Variants in ZZEF1 observed in about 807,000 individuals in gnomAD.
The protein encoded by ZZEF1 is zinc finger ZZ-type and EF-hand domain-containing protein 1.
ZZEF1 carries 157 observed loss-of-function variants against 342.8 expected under a neutral mutation model. That is an observed-to-expected ratio of 0.46 (90% CI 0.40 to 0.52). ZZEF1 has a LOEUF of 0.52. Among genes scored for constraint, ZZEF1 ranks in the 20% least tolerant of loss-of-function variants. The pLI, the probability that ZZEF1 is intolerant of heterozygous loss-of-function variation, is 0.00. For missense variants in ZZEF1, 3,480 were observed against 3,725.6 expected (o/e 0.93, Z 1.72); for synonymous variants, 1,505 against 1,429.1 (o/e 1.05, Z -1.20).
rs1434061770 is a variant in ZZEF1 at position 4,076,667 on chromosome 17, G to A, written c.3204C>T (p.Leu1068=). The change falls in exon 21 of 55, where the codon CTC becomes CTT. Residue 1068 remains leucine (L), a synonymous_variant. Coordinates refer to ENST00000381638, the MANE Select transcript of ZZEF1 (RefSeq NM_015113.4). ...TCAGTCCTCCTTCGGGGCCACTACA[G>A]AGCTTCTTCAGGAGTTCTGTGAGGA... is the stretch of plus-strand genomic sequence containing the variant. ...FSVLTELLKK[L]CSGPEGGLRK... 3 of 1,612,862 alleles carry A rather than the reference G, an allele frequency of 1.9e-6. No homozygotes were observed. The highest frequency in any genetic ancestry group is 2.7e-5 in the African/African-American group (2 of 74,904).
chr17:4,049,910 C>A, intron 36 of ZZEF1, 51 bp from the exon 37 acceptor site: 1 of 1,590,722 alleles, frequency 6.3e-7, no homozygotes, highest in East Asian at 2.2e-5. Context: ...AATGAGAGTT[C>A]TTTTCAGCAA....
chr17:4,018,050 T>C lies in ZZEF1; in HGVS notation c.7506-79A>G, dbSNP rs936490884. The C allele has an allele frequency of 3.2e-5, 50 of 1,565,918 alleles. No homozygotes were observed. In the East Asian group the frequency reaches 4.5e-4, roughly 14 times the overall value. ...AACCTGCACTTAAACTTGTTGGCAATGTTCTTCAGAGTTGTTCTTCTGTTA... is the reference window on the plus strand; with the variant it reads ...AACCTGCACTTAAACTTGTTGGCAACGTTCTTCAGAGTTGTTCTTCTGTTA... On this transcript the variant is annotated intron_variant, in intron 46 of 54. Transcript: ENST00000381638.
chr17:4,022,900 T>A, intron 43 of ZZEF1, 72 bp from the exon 44 acceptor site: 1 of 1,563,556 alleles, frequency 6.4e-7, no homozygotes, highest in Non-Finnish European at 8.7e-7. Flanking sequence ...TGTAACTCAG[T>A]CTGTTCATTC....
chr17:4,007,773 C>T (rs1398796287), intron 54 of ZZEF1, among the ~76,000 whole-genome samples: 1 of 152,072 alleles, frequency 6.6e-6, no homozygotes, highest in African/African-American at 2.4e-5. Flanking sequence ...TTTCCACTTC[C>T]GAGCGTACAC....
At chr17:4,064,319 G>A (rs1379116081) in intron 29 of ZZEF1, 42 bp downstream of exon 29, 10 of 1,499,926 alleles carry the variant, frequency 6.7e-6, no homozygotes, top group Non-Finnish European at 9.0e-6. Context: ...GGTACCTACG[G>A]CTTAAAAAGA....
chr17:4,103,334 G>GA lies in ZZEF1; in HGVS notation c.1574-920_1574-919insT, dbSNP rs2058157234. Reference sequence around the variant, plus strand: ...GAGGTGGGAGTACTGCTTGAGTCCAGGAGTTTGAGACCAGCCTGGTCAACA... The same window carrying GA: ...GAGGTGGGAGTACTGCTTGAGTCCAGAGAGTTTGAGACCAGCCTGGTCAACA... On this transcript the variant is annotated intron_variant, in intron 8 of 54. Coordinates refer to ENST00000381638, the MANE Select transcript of ZZEF1 (RefSeq NM_015113.4). Among the ~76,000 whole-genome samples the GA allele has an allele frequency of 2.6e-5, 4 of 151,996 alleles. No homozygotes were observed. In the South Asian group the frequency reaches 8.3e-4, roughly 32 times the overall value.
chr17:4,085,948 TA>T (rs35992137), intron 15 of ZZEF1, 145 bp from the exon 16 acceptor site: 4 of 876,356 alleles, frequency 4.6e-6, no homozygotes, highest in African/African-American at 1.7e-5. Context: ...CCAGGCAGTA[TA>T]AAAAAATATT....
intron 17 of ZZEF1, 61 bp from the exon 18 acceptor site, chr17:4,081,551 TA>T: frequency 7.2e-7 from 1 of 1,388,058 alleles, no homozygotes; most frequent in South Asian, 1.2e-5. Flanking sequence ...TATACTATTT[TA>T]AAAGATTCCA....
rs368659773 is a variant in ZZEF1 at position 4,093,197 on chromosome 17, C to T, written c.1914-2367G>A. On this transcript the variant is annotated intron_variant, in intron 11 of 54. Transcript: ENST00000381638. ...TAACAGCAGGTTTAGGGGAAATGAC[C>T]CATTTTAATTTGTCCCAAGAGTAGG... is the stretch of plus-strand genomic sequence containing the variant. Among the ~76,000 whole-genome samples the T allele has an allele frequency of 3.3e-4, 50 of 152,166 alleles. 1 individual carries two copies. In the South Asian group the frequency reaches 9.5e-3, roughly 29 times the overall value.
chr17:4,082,339 G>A (rs1210545367), intron 17 of ZZEF1, 98 bp downstream of exon 17: 1 of 1,133,240 alleles, frequency 8.8e-7, no homozygotes, highest in Non-Finnish European at 1.3e-6. Flanking sequence ...GTGGCAGGAA[G>A]TACTACTTCG....
intron 5 of ZZEF1, among the ~76,000 whole-genome samples, chr17:4,111,430 C>T (rs944254624): frequency 2.6e-5 from 4 of 152,008 alleles, no homozygotes; most frequent in South Asian, 2.1e-4. Flanking sequence ...AAGGCCGAGG[C>T]GGGCGGATCA....
At chr17:4,075,006 CA>C in intron 23 of ZZEF1, 90 bp downstream of exon 23, 2 of 1,316,160 alleles carry the variant, frequency 1.5e-6, no homozygotes, top group Non-Finnish European at 2.2e-6. Context: ...TGCCTCCCTT[CA>C]AAGACCTTAC....
rs1012530764 is a variant in ZZEF1, at chr17:4,017,175, G to A, written c.8001+196C>T. The A allele has an allele frequency of 2.9e-6, 2 of 682,620 alleles. No homozygotes were observed. Among genetic ancestry groups the A allele is most frequent in the Non-Finnish European group, 4.6e-6 (2 of 434,858 alleles). 42.3% of individuals were successfully genotyped at this position (682,620 alleles called of 1,614,324 possible). A position where few individuals can be genotyped will look rare whatever the true frequency, so the allele number is the denominator to read the frequency against. On this transcript the variant is annotated intron_variant, in intron 48 of 54. Coordinates refer to ENST00000381638, the MANE Select transcript of ZZEF1 (RefSeq NM_015113.4). The surrounding 1 kb of genome is among the most constrained non-coding windows in gnomAD (Gnocchi z 5.1). ...GCTTTCTGGTTCAGCTGGAAATCGC[G>A]CTCAGGGCCCCTGAGTTCCTCACTA...
At chr17:4,091,849 G>C (rs1034888375) in intron 11 of ZZEF1, among the ~76,000 whole-genome samples, 3 of 151,426 alleles carry the variant, frequency 2.0e-5, no homozygotes, top group Non-Finnish European at 4.4e-5. Context: ...GGCTGAGGCA[G>C]GCAGAGCACC....
In ZZEF1 at chr17:4,070,871, C is replaced by A; in HGVS notation, c.3888G>T (p.Gln1296His). ...CACAGAAGTTCTGAGCAGGCTCTGACTGGGCAAAATCAAGAAGAAAATGGC... is the reference window on the plus strand; with the variant it reads ...CACAGAAGTTCTGAGCAGGCTCTGAATGGGCAAAATCAAGAAGAAAATGGC... ...PCRHFLLDFA[Q>H]SEPAQNFCGP... Residue 1296 changes from glutamine (Q) to histidine (H), a missense_variant, in exon 26 of 55, where the codon CAG (glutamine) becomes CAT (histidine). By Grantham distance (24) the Gln-to-His change is conservative. Around this residue, in one of 5 missense-constraint regions of ZZEF1, gnomAD observed 1,528 missense variants for 1,624.1 expected, o/e 0.94. Coordinates refer to ENST00000381638, the MANE Select transcript of ZZEF1 (RefSeq NM_015113.4). 4 of 1,614,032 alleles carry A rather than the reference C, an allele frequency of 2.5e-6. No homozygotes were observed. The highest frequency in any genetic ancestry group is 3.4e-6 in the Non-Finnish European group (4 of 1,180,014).
chr17:4,012,695 A>C (rs765438177), intron 52 of ZZEF1, among the ~76,000 whole-genome samples: 13 of 152,220 alleles, frequency 8.5e-5, no homozygotes, highest in Non-Finnish European at 1.9e-4. Flanking sequence ...AAGCATTGAG[A>C]GGAAGAAATA....
Position 4,017,381 on chromosome 17 carries a change from T to G in ZZEF1, c.7991A>C (p.Glu2664Ala), listed in dbSNP as rs376672889. The change falls in exon 48 of 55, where the codon GAG becomes GCG. Residue 2664 changes from glutamate to alanine, a missense_variant. Glu to Ala is a moderately radical substitution (Grantham distance 107). Around this residue, in one of 5 missense-constraint regions of ZZEF1, gnomAD observed 1,269 missense variants for 1,342.4 expected, o/e 0.95. Coordinates refer to ENST00000381638, the MANE Select transcript of ZZEF1 (RefSeq NM_015113.4). This position sits in a 1 kb window ranked among gnomAD's most constrained non-coding sequence, Gnocchi z 5.1. ...DMFMQLEEKH[E>A]WEKILQKVLQ... Reference sequence around the variant, plus strand: ...AGTCTGCATAACTACCTTCTCCCACTCATGCTTTTCTTCCAGCTGCATGAA... The same window carrying G: ...AGTCTGCATAACTACCTTCTCCCACGCATGCTTTTCTTCCAGCTGCATGAA... 3.8e-6 allele frequency: 6 copies of G among 1,596,298 alleles called. No individual in the cohort carries two copies. The highest frequency in any genetic ancestry group is 5.1e-6 in the Non-Finnish European group (6 of 1,167,730).
intron 45 of ZZEF1, 66 bp from the exon 46 acceptor site, chr17:4,019,835 G>C: frequency 1.6e-6 from 2 of 1,231,378 alleles, no homozygotes; most frequent in Non-Finnish European, 1.1e-6. Context: ...TTGATCAACT[G>C]AACTCAAAAC....
chr17:4,036,817 A>ACACACACTCT (rs754105162), intron 39 of ZZEF1, among the ~76,000 whole-genome samples: 9 of 72,614 alleles, frequency 1.2e-4, no homozygotes, highest in African/African-American at 2.6e-4. Context: ...ACACACACAC[A>ACACACACTCT]CTCTCTCTCT....
Sources: allele counts gnomAD v4.1 joint callset (sites outside exome capture counted in the v4.1 genomes callset), GRCh38; gene constraint gnomAD v4.1.1; regional missense constraint gnomAD v4.1.1; non-coding constraint Gnocchi (gnomAD v3.1); transcripts MANE v1.5; gene names NCBI Gene and HGNC (gene_info 2026-07-23, HGNC 2026-07-21).